GBE1: variants seen among roughly 807,000 people sequenced by gnomAD.
The protein encoded by GBE1 is 1,4-alpha-glucan-branching enzyme.
In GBE1, 70 loss-of-function variants were observed where a neutral mutation model predicts 88.8. The ratio of observed to expected loss-of-function variants is 0.79; its 90% CI spans 0.65 to 0.96. GBE1 has a LOEUF of 0.96. GBE1 is among the 40% of genes least tolerant of loss of function. The pLI, the probability that GBE1 is intolerant of heterozygous loss-of-function variation, is 0.00. For synonymous variants in GBE1, 284 were observed against 300.1 expected, an observed-to-expected ratio of 0.95 and a Z score of 0.56; for missense variants, 872 against 871.0, an observed-to-expected ratio of 1.00 and a Z score of -0.01.
At chr3:81,656,718 C>T (rs139424292) in intron 3 of GBE1, among the ~76,000 whole-genome samples, 342 of 152,262 alleles carry the variant, frequency 2.2e-3, no homozygotes, top group African/African-American at 7.8e-3. Flanking sequence ...TGTGTTCTTA[C>T]TCCCAAAAAG....
intron 12 of GBE1, among the ~76,000 whole-genome samples, chr3:81,563,089 C>T (rs1471562247): frequency 6.6e-6 from 1 of 152,058 alleles, no homozygotes; most frequent in African/African-American, 2.4e-5. Flanking sequence ...TTTGACAATA[C>T]ATCTCACATT....
Position 81,537,012 on chromosome 3 carries a change from G to C in GBE1, c.1702C>G (p.His568Asp). 2 of 1,589,838 alleles carry C rather than the reference G, an allele frequency of 1.3e-6. No homozygotes were observed. The highest frequency in any genetic ancestry group is 8.6e-7 in the Non-Finnish European group (1 of 1,169,266). The change falls in exon 13 of 16, where the codon CAT (histidine) becomes GAT (aspartate). Residue 568 changes from histidine (H) to aspartate (D), a missense_variant. By Grantham distance (81) the His-to-Asp change is moderately conservative. Coordinates refer to ENST00000429644, the MANE Select transcript of GBE1 (RefSeq NM_000158.4). ...ESYHYARRQFHLTDDDLLRYK... is the reference protein window; with the variant it reads ...ESYHYARRQFDLTDDDLLRYK... Reference sequence around the variant, plus strand: ...CGAAGAAGGTCGTCGTCAGTTAAATGAAACTGCCGCCTGGCATAATGGTAA... The same window carrying C: ...CGAAGAAGGTCGTCGTCAGTTAAATCAAACTGCCGCCTGGCATAATGGTAA...
At chr3:81,540,843 A>ATTC (rs1427147556) in intron 12 of GBE1, among the ~76,000 whole-genome samples, 1 of 152,042 alleles carries the variant, frequency 6.6e-6, no homozygotes, top group African/African-American at 2.4e-5. Flanking sequence ...AAGCCTCACT[A>ATTC]TTCTACATGT....
Position 81,642,804 on chromosome 3 carries a change from A to T in GBE1, c.969T>A (p.Asp323Glu). The T allele has an allele frequency of 6.2e-7, 1 of 1,611,602 alleles. No individual in the cohort carries two copies. Among genetic ancestry groups the T allele is most frequent in the Middle Eastern group, 1.7e-4 (1 of 6,054 alleles). Reference sequence around the variant, plus strand: ...ACCTGGAGTAGGCAAACAATCTGCTATCCCAAAGATCATGAGTCCCTCTAG... The same window carrying T: ...ACCTGGAGTAGGCAAACAATCTGCTTTCCCAAAGATCATGAGTCCCTCTAG... ...SGPRGTHDLW[D>E]SRLFAYSSWE... Residue 323 changes from aspartate (D) to glutamate (E), a missense_variant, in exon 7 of 16, where the codon GAT (aspartate) becomes GAA (glutamate). Asp to Glu is a conservative substitution (Grantham distance 45). Coordinates refer to ENST00000429644, the MANE Select transcript of GBE1 (RefSeq NM_000158.4).
chr3:81,616,673 C>T (rs1704252420), intron 7 of GBE1, among the ~76,000 whole-genome samples: 1 of 151,988 alleles, frequency 6.6e-6, no homozygotes, highest in Admixed American at 6.6e-5. Flanking sequence ...TTTAAGTGTT[C>T]TAATGTTTGT....
At chr3:81,638,657 G>C (rs1704625879) in intron 7 of GBE1, among the ~76,000 whole-genome samples, 3 of 152,174 alleles carry the variant, frequency 2.0e-5, no homozygotes, top group Non-Finnish European at 4.4e-5. Flanking sequence ...AGCAAAGCTA[G>C]AAGGCAGTTC....
At chr3:81,525,020 C>T (rs1576131911) in intron 14 of GBE1, among the ~76,000 whole-genome samples, 1 of 151,742 alleles carries the variant, frequency 6.6e-6, no homozygotes, top group Non-Finnish European at 1.5e-5. Flanking sequence ...CATTGGTATA[C>T]GGCCATTCAG....
At chr3:81,536,132 G>C (rs1309651225) in intron 13 of GBE1, among the ~76,000 whole-genome samples, 1 of 151,740 alleles carries the variant, frequency 6.6e-6, no homozygotes, top group East Asian at 1.9e-4. Flanking sequence ...TCTGGAAATA[G>C]CATTACTAAT....
chr3:81,532,009 C>T (rs1415667199), intron 14 of GBE1, among the ~76,000 whole-genome samples: 1 of 151,920 alleles, frequency 6.6e-6, no homozygotes. Context: ...CAATGAGTTC[C>T]AATGCAAAGT....
intron 12 of GBE1, among the ~76,000 whole-genome samples, chr3:81,560,753 G>A (rs942979596): frequency 2.0e-5 from 3 of 151,908 alleles, no homozygotes; most frequent in African/African-American, 4.8e-5. Flanking sequence ...TGCAAACGAA[G>A]TTGAAAAGCT....
At chr3:81,684,469 T>C (rs1705403404) in intron 2 of GBE1, among the ~76,000 whole-genome samples, 2 of 152,216 alleles carry the variant, frequency 1.3e-5, no homozygotes, top group Non-Finnish European at 2.9e-5. Flanking sequence ...TGCAGAGTAC[T>C]GTCTCCATGT....
intron 7 of GBE1, among the ~76,000 whole-genome samples, chr3:81,632,341 G>T (rs1321750599): frequency 2.0e-5 from 3 of 151,868 alleles, no homozygotes; most frequent in Non-Finnish European, 2.9e-5. Flanking sequence ...AGTCTACAAA[G>T]AACTTAAACA....
At chr3:81,491,720 G>A (rs1043258944) in intron 15 of GBE1, among the ~76,000 whole-genome samples, 18 of 151,480 alleles carry the variant, frequency 1.2e-4, no homozygotes, top group African/African-American at 3.9e-4. Flanking sequence ...CTTGCCTGAT[G>A]GTTTAAAAAA....
rs985900193 is a variant in GBE1, at chr3:81,537,241, G to A, written c.1619-146C>T. 27 of 549,274 alleles carry A rather than the reference G, an allele frequency of 4.9e-5. No individual in the cohort carries two copies. The Admixed American group carries it at 1.1e-3, about 22-fold the overall frequency. 34.0% of individuals were successfully genotyped at this position (549,274 alleles called of 1,614,324 possible). ...ACCTGTGTCCTGTGAATGATGTACAGGTGTAGCTCAAAAATAGCACGGTCT... is the reference window on the plus strand; with the variant it reads ...ACCTGTGTCCTGTGAATGATGTACAAGTGTAGCTCAAAAATAGCACGGTCT... On this transcript the variant is annotated intron_variant, in intron 12 of 15. Transcript: ENST00000429644.
At chr3:81,628,378 C>T (rs1704449052) in intron 7 of GBE1, among the ~76,000 whole-genome samples, 1 of 151,928 alleles carries the variant, frequency 6.6e-6, no homozygotes, top group African/African-American at 2.4e-5. Context: ...CAGATAAGAA[C>T]ATGAAGAAGA....
At chr3:81,749,793 GA>G (rs1016406819) in intron 1 of GBE1, among the ~76,000 whole-genome samples, 19 of 152,116 alleles carry the variant, frequency 1.2e-4, no homozygotes, top group African/African-American at 4.6e-4. Context: ...ATTTCAGAAT[GA>G]TTTTTTTTAA....
At chr3:81,580,119 C>G (rs1204334669) in intron 11 of GBE1, among the ~76,000 whole-genome samples, 1 of 152,072 alleles carries the variant, frequency 6.6e-6, no homozygotes, top group African/African-American at 2.4e-5. Flanking sequence ...TATTTAGTTT[C>G]AATTTTTTAA....
chr3:81,721,227 AT>A lies in GBE1; in HGVS notation c.144-15615del, dbSNP rs1218528818. On this transcript the variant is annotated intron_variant, in intron 1 of 15. Transcript: ENST00000429644. ...AAAAAATAAATAAATAAATAAATAAATAAATAAAAACACATGAAAAAAAAAA... is the reference window on the plus strand; with the variant it reads ...AAAAAATAAATAAATAAATAAATAAAAAATAAAAACACATGAAAAAAAAAA... Among the ~76,000 whole-genome samples the A allele has an allele frequency of 2.3e-4, 24 of 106,052 alleles. 1 individual carries two copies. The highest frequency in any genetic ancestry group is 5.2e-4 in the South Asian group (2 of 3,814). 69.6% of individuals were successfully genotyped at this position (106,052 alleles called of 152,430 possible). A position where few individuals can be genotyped will look rare whatever the true frequency, so the allele number is the denominator to read the frequency against.
rs6769105 is a variant in GBE1, at chr3:81,511,635, G to C, written c.1935-12408C>G. On this transcript the variant is annotated intron_variant, in intron 14 of 15. Coordinates refer to ENST00000429644, the MANE Select transcript of GBE1 (RefSeq NM_000158.4). ...AATGCACGTCAAAACCACAATGAGA[G>C]ACCGTTTTACACCAGACACAATGGC... 1.0e-3 allele frequency among the ~76,000 whole-genome samples: 155 copies of C among 151,606 alleles called. 2 individuals carry two copies. Among genetic ancestry groups the C allele is most frequent in the African/African-American group, 3.7e-3 (153 of 41,372 alleles).
Sources: allele counts gnomAD v4.1 joint callset (sites outside exome capture counted in the v4.1 genomes callset), GRCh38; gene constraint gnomAD v4.1.1; transcripts MANE v1.5; gene names NCBI Gene and HGNC (gene_info 2026-07-23, HGNC 2026-07-21).